Variants in WDFY3 observed in about 807,000 individuals in gnomAD.
WDFY3 encodes the protein WD repeat and FYVE domain-containing protein 3.
Under a neutral mutation model 409.6 loss-of-function variants are expected in WDFY3, and 66 were observed. That is an observed-to-expected ratio of 0.16 (90% CI 0.13 to 0.20). WDFY3 has a LOEUF of 0.20. Among genes scored for constraint, WDFY3 ranks in the 10% least tolerant of loss-of-function variants. WDFY3 has a pLI of 1.00. For synonymous variants in WDFY3, 1,521 were observed against 1,537.1 expected (o/e 0.99, Z 0.25); for missense variants, 3,031 against 4,298.1 (o/e 0.71, Z 8.24).
intron 32 of WDFY3, among the ~76,000 whole-genome samples, chr4:84,761,404 G>T (rs1030641220): frequency 2.6e-5 from 4 of 152,034 alleles, no homozygotes; most frequent in Non-Finnish European, 4.4e-5. Context: ...TTGACAGTGG[G>T]GTGTTAAAGT....
intron 16 of WDFY3, among the ~76,000 whole-genome samples, chr4:84,802,811 G>C (rs1750842173): frequency 6.6e-6 from 1 of 152,192 alleles, no homozygotes; most frequent in South Asian, 2.1e-4. Context: ...ATGGTGGGCA[G>C]ATAACTAGTT....
chr4:84,680,017 A>C (rs1578108132), intron 64 of WDFY3, among the ~76,000 whole-genome samples: 1 of 151,982 alleles, frequency 6.6e-6, no homozygotes, highest in Admixed American at 6.6e-5. Flanking sequence ...CAGCCTTGGA[A>C]GTAGCTAGGA....
chr4:84,778,406 G>A, intron 27 of WDFY3, 97 bp downstream of exon 27: 3 of 1,139,664 alleles, frequency 2.6e-6, no homozygotes, highest in South Asian at 4.6e-5. Context: ...AAATTATAGG[G>A]CTTTAAACAC....
chr4:84,825,461 G>C lies in WDFY3; in HGVS notation c.1123+1354C>G, dbSNP rs186366485. ...AGCTCACTGCAGCTTTGAACTCCCG[G>C]GCTCAAAAGATCCTCCTGTGTAGCT... On this transcript the variant is annotated intron_variant, in intron 10 of 67. Coordinates refer to ENST00000295888, the MANE Select transcript of WDFY3 (RefSeq NM_014991.6). 4.6e-5 allele frequency among the ~76,000 whole-genome samples: 7 copies of C among 151,656 alleles called. No individual in the cohort carries two copies. In the East Asian group the frequency reaches 1.4e-3, roughly 30 times the overall value.
intron 48 of WDFY3, 89 bp downstream of exon 48, chr4:84,718,333 C>A: frequency 7.0e-7 from 1 of 1,428,548 alleles, no homozygotes; most frequent in Non-Finnish European, 9.4e-7. Flanking sequence ...ACCTAGAACA[C>A]AATTTTTTGA....
rs764944974 is a variant in WDFY3, at chr4:84,704,399, A to G, written c.8381T>C (p.Met2794Thr). Residue 2794 changes from methionine (M) to threonine (T), a missense_variant, in exon 55 of 68, where the codon ATG becomes ACG. Transcript: ENST00000295888. ...YHYGTHYSSA[M>T]IVASYLVRME... ...CCTTACAAGGTATGAGGCCACAATC[A>G]TTGCAGATGAATAGTGGGTCCCATA... The G allele has an allele frequency of 1.2e-6, 2 of 1,613,378 alleles. No individual in the cohort carries two copies. The highest frequency in any genetic ancestry group is 4.5e-5 in the East Asian group (2 of 44,800).
At chr4:84,949,177 A>C (rs2151099708) in intron 1 of WDFY3, among the ~76,000 whole-genome samples, 1 of 152,292 alleles carries the variant, frequency 6.6e-6, no homozygotes, top group South Asian at 2.1e-4. Context: ...ATGTGCTCCC[A>C]TATCACAAAT....
chr4:84,680,775 T>C (rs1727219577), intron 64 of WDFY3, among the ~76,000 whole-genome samples: 1 of 152,218 alleles, frequency 6.6e-6, no homozygotes, highest in African/African-American at 2.4e-5. Flanking sequence ...TTACATTGTA[T>C]TGGTAGTAAT....
At position 84,672,807 on chromosome 4, in the gene WDFY3, T is replaced by C. The variant is rs1725621419; in HGVS notation, c.*61A>G. 1.9e-6 allele frequency: 3 copies of C among 1,595,026 alleles called. No individual in the cohort carries two copies. The highest frequency in any genetic ancestry group is 2.6e-6 in the Non-Finnish European group (3 of 1,172,004). Reference sequence around the variant, plus strand: ...AGACTGTTTTCAATGCCTTCCAAGCTGGGACAGGAGAATCGGGAAGGGGTC... The same window carrying C: ...AGACTGTTTTCAATGCCTTCCAAGCCGGGACAGGAGAATCGGGAAGGGGTC... On this transcript the variant is annotated 3_prime_UTR_variant, in exon 68 of 68. Coordinates refer to ENST00000295888, the MANE Select transcript of WDFY3 (RefSeq NM_014991.6).
intron 56 of WDFY3, 23 bp downstream of exon 56, chr4:84,702,330 G>T (rs1731188817): frequency 6.3e-7 from 1 of 1,577,402 alleles, no homozygotes; most frequent in South Asian, 1.2e-5. Flanking sequence ...ACATTCCTAA[G>T]ACAGTGCCAT....
intron 3 of WDFY3, among the ~76,000 whole-genome samples, chr4:84,875,113 C>G (rs1762596432): frequency 6.6e-6 from 1 of 151,938 alleles, no homozygotes; most frequent in South Asian, 2.1e-4. Context: ...ACTAAAAATA[C>G]AAAAATTAGC....
chr4:84,797,165 T>A (rs1679454913), intron 18 of WDFY3, among the ~76,000 whole-genome samples: 2 of 152,164 alleles, frequency 1.3e-5, no homozygotes. Flanking sequence ...AAGAAATAGG[T>A]CATCTTTATT....
At position 84,702,893 on chromosome 4, in the gene WDFY3, G is replaced by A. The variant is rs1015290784; in HGVS notation, c.8443-387C>T. Among the ~76,000 whole-genome samples the A allele has an allele frequency of 9.9e-5, 15 of 152,158 alleles. No individual in the cohort carries two copies. In the East Asian group the frequency reaches 1.5e-3, roughly 16 times the overall value. ...GGGCGGATCACGAGGTCAGGAGATCGAGACCATCCTGGCTAACACGGTGAA... is the reference window on the plus strand; with the variant it reads ...GGGCGGATCACGAGGTCAGGAGATCAAGACCATCCTGGCTAACACGGTGAA... On this transcript the variant is annotated intron_variant, in intron 55 of 67. Transcript: ENST00000295888.
intron 2 of WDFY3, among the ~76,000 whole-genome samples, chr4:84,922,576 G>C (rs183502011): frequency 2.6e-5 from 4 of 152,168 alleles, no homozygotes; most frequent in Admixed American, 2.0e-4. Flanking sequence ...ATAGGTCTAA[G>C]CATGTAAATA....
At chr4:84,878,308 A>G (rs1337826581) in intron 3 of WDFY3, among the ~76,000 whole-genome samples, 2 of 152,240 alleles carry the variant, frequency 1.3e-5, no homozygotes, top group Non-Finnish European at 2.9e-5. Context: ...CACTAGTGTC[A>G]TAAGAAATCA....
chr4:84,684,721 T>C (rs370395264), intron 62 of WDFY3, among the ~76,000 whole-genome samples: 9 of 152,310 alleles, frequency 5.9e-5, no homozygotes, highest in African/African-American at 2.2e-4. Flanking sequence ...GGTCACTTCT[T>C]GGCAAACTTA....
chr4:84,962,451 C>T (rs1775034540), intron 1 of WDFY3, among the ~76,000 whole-genome samples: 1 of 152,006 alleles, frequency 6.6e-6, no homozygotes, highest in Non-Finnish European at 1.5e-5. Context: ...ACTTTAAGAG[C>T]ATCAATTAAA....
intron 44 of WDFY3, among the ~76,000 whole-genome samples, chr4:84,730,807 AT>A (rs796852348): frequency 9.2e-4 from 134 of 146,258 alleles, no homozygotes; most frequent in Admixed American, 1.4e-3. Flanking sequence ...CTCTCTCTGT[AT>A]TTTTTTTTTT....
At chr4:84,711,721 C>T (rs1202232771) in intron 51 of WDFY3, among the ~76,000 whole-genome samples, 12 of 151,514 alleles carry the variant, frequency 7.9e-5, no homozygotes, top group East Asian at 1.9e-4. Flanking sequence ...TGTGGTGGCG[C>T]GCACCTGTAG....
Sources: allele counts gnomAD v4.1 joint callset (sites outside exome capture counted in the v4.1 genomes callset), GRCh38; gene constraint gnomAD v4.1.1; transcripts MANE v1.5; gene names NCBI Gene and HGNC (gene_info 2026-07-23, HGNC 2026-07-21).